RBFOX1: variants seen among roughly 807,000 people sequenced by gnomAD.
RBFOX1 encodes RNA binding protein fox-1 homolog 1.
Under a neutral mutation model 57.7 loss-of-function variants are expected in RBFOX1, and 8 were observed. The ratio of observed to expected loss-of-function variants is 0.14; its 90% confidence interval spans 0.08 to 0.25. The LOEUF is 0.25. RBFOX1 is among the 10% of genes least tolerant of loss of function. RBFOX1 has a pLI of 1.00. For missense variants in RBFOX1, 611 were observed against 548.5 expected, an observed-to-expected ratio of 1.11 and a Z score of -1.14; for synonymous variants, 326 against 222.4, an observed-to-expected ratio of 1.47 and a Z score of -4.15.
At chr16:5,721,770 C>T (rs1267594631) in intron 3 of RBFOX1, among the ~76,000 whole-genome samples, 3 of 152,246 alleles carry the variant, frequency 2.0e-5, no homozygotes, top group East Asian at 1.9e-4. Flanking sequence ...AATTATTATT[C>T]CCTGGATTCT....
intron 1 of RBFOX1, among the ~76,000 whole-genome samples, chr16:6,022,305 G>A (rs1171843374): frequency 6.6e-6 from 1 of 150,782 alleles, no homozygotes; most frequent in Non-Finnish European, 1.5e-5. Context: ...AGAATATTTT[G>A]AAAACACAAG....
At chr16:6,294,610 C>G (rs773098033) in intron 1 of RBFOX1, among the ~76,000 whole-genome samples, 2 of 152,182 alleles carry the variant, frequency 1.3e-5, no homozygotes, top group African/African-American at 2.4e-5. Context: ...CTACTTGATG[C>G]TGAGCCCTCT....
At chr16:7,205,012 A>G (rs900789285) in intron 4 of RBFOX1, among the ~76,000 whole-genome samples, 3 of 152,100 alleles carry the variant, frequency 2.0e-5, no homozygotes, top group Non-Finnish European at 4.4e-5. Context: ...TCTCTTTTCC[A>G]TGTGTAACAA....
rs560600639 is a variant in RBFOX1, at chr16:7,713,082, C to G, written c.*2337C>G. The G allele has an allele frequency of 2.0e-5, 3 of 152,234 alleles. No individual in the cohort carries two copies. The highest frequency in any genetic ancestry group is 6.5e-5 in the Admixed American group (1 of 15,302). The allele number at this position is 152,234 out of a possible 1,614,324, so 9.4% of individuals were successfully genotyped here. A position where few individuals can be genotyped will look rare whatever the true frequency, so the allele number is the denominator to read the frequency against. ...AATGTATGTCAGAGATGTAAACAAA[C>G]ATTTTGGATTTTTTTTAAACAGTAT... On this transcript the variant is annotated 3_prime_UTR_variant, in exon 16 of 16. Transcript: ENST00000550418.
At chr16:6,335,518 G>A (rs1279872805) in intron 2 of RBFOX1, among the ~76,000 whole-genome samples, 1 of 152,018 alleles carries the variant, frequency 6.6e-6, no homozygotes, top group Admixed American at 6.6e-5. Flanking sequence ...GGTGGTTCAC[G>A]CCTGTAATCC....
chr16:7,564,266 G>A (rs75728495), intron 5 of RBFOX1, among the ~76,000 whole-genome samples: 3,957 of 152,164 alleles, frequency 0.026, 189 homozygotes, highest in African/African-American at 0.091. Flanking sequence ...CAAGCCGGGC[G>A]TGGTGGCTCA....
intron 4 of RBFOX1, among the ~76,000 whole-genome samples, chr16:7,504,725 A>AAATATATATATATATTTATATT (rs2072260527): frequency 1.6e-4 from 1 of 6,146 alleles, no homozygotes; most frequent in African/African-American, 3.8e-4. Flanking sequence ...ATATATATAT[A>AAATATATATATATATTTATATT]TATATATATA....
intron 3 of RBFOX1, among the ~76,000 whole-genome samples, chr16:5,655,039 A>T (rs2049379817): frequency 6.6e-6 from 1 of 152,168 alleles, no homozygotes; most frequent in African/African-American, 2.4e-5. Context: ...CAGGAGTCCT[A>T]GTGAGGACGC....
intron 4 of RBFOX1, among the ~76,000 whole-genome samples, chr16:7,167,053 T>G (rs2079701905): frequency 7.4e-6 from 1 of 135,642 alleles, no homozygotes; most frequent in East Asian, 2.4e-4. Flanking sequence ...TGGTGTGATC[T>G]CAGCTCGCTG....
In RBFOX1 at chr16:5,809,758, T is replaced by C. The variant is rs574890851; in HGVS notation, c.319-57545T>C. 5.6e-4 allele frequency among the ~76,000 whole-genome samples: 85 copies of C among 152,278 alleles called. 1 individual carries two copies. Among genetic ancestry groups the C allele is most frequent in the African/African-American group, 2.0e-3 (83 of 41,570 alleles). Reference sequence around the variant, plus strand: ...TAAACTAGTTCAACCATTGTGGAAGTCAGTGTGGCGATTCCTCAGGGATCT... The same window carrying C: ...TAAACTAGTTCAACCATTGTGGAAGCCAGTGTGGCGATTCCTCAGGGATCT... On this transcript the variant is annotated intron_variant, in intron 3 of 19. Coordinates refer to the RBFOX1 transcript ENST00000641259.
At chr16:7,343,867 A>G (rs972107811) in intron 4 of RBFOX1, among the ~76,000 whole-genome samples, 1 of 152,146 alleles carries the variant, frequency 6.6e-6, no homozygotes, top group Admixed American at 6.6e-5. Context: ...GTGGTTGTTA[A>G]AGGAACCAAA....
At chr16:6,974,419 A>C (rs1046613619) in intron 3 of RBFOX1, among the ~76,000 whole-genome samples, 1 of 129,076 alleles carries the variant, frequency 7.7e-6, no homozygotes, top group Admixed American at 1.0e-4. Flanking sequence ...ATCTCAGTTC[A>C]CTGCAACTTT....
chr16:7,539,121 A>ATTT (rs2082248582), intron 5 of RBFOX1, among the ~76,000 whole-genome samples: 3 of 152,170 alleles, frequency 2.0e-5, no homozygotes, highest in African/African-American at 7.2e-5. Context: ...GAGAGGGGAA[A>ATTT]AGACTCCACC....
At chr16:5,823,520 C>T (rs886568375) in intron 3 of RBFOX1, among the ~76,000 whole-genome samples, 4 of 152,144 alleles carry the variant, frequency 2.6e-5, no homozygotes, top group Non-Finnish European at 5.9e-5. Flanking sequence ...CGGACTGCTA[C>T]CAGTCCATGG....
chr16:7,304,401 G>C (rs902142229), intron 4 of RBFOX1: 1 of 985,408 alleles, frequency 1.0e-6, no homozygotes, highest in African/African-American at 1.7e-5. Context: ...AGCATCCTCT[G>C]ACGGGGGCCA....
chr16:5,369,697 G>A (rs2065811517), intron 1 of RBFOX1, among the ~76,000 whole-genome samples: 1 of 152,210 alleles, frequency 6.6e-6, no homozygotes. Context: ...CCTGCTTTCA[G>A]AGGTGGGTCT....
At chr16:5,423,656 A>G (rs566365536) in intron 1 of RBFOX1, among the ~76,000 whole-genome samples, 1 of 152,186 alleles carries the variant, frequency 6.6e-6, no homozygotes, top group Non-Finnish European at 1.5e-5. Flanking sequence ...TCTTATTGAT[A>G]TAATATCTTC....
chr16:5,460,450 C>G (rs574997514), intron 1 of RBFOX1, among the ~76,000 whole-genome samples: 1 of 152,236 alleles, frequency 6.6e-6, no homozygotes, highest in East Asian at 1.9e-4. Context: ...GGAGAGGGCA[C>G]CATTGAAAAG....
chr16:6,387,398 A>C (rs946508057), intron 2 of RBFOX1, among the ~76,000 whole-genome samples: 1 of 149,794 alleles, frequency 6.7e-6, no homozygotes, highest in East Asian at 2.0e-4. Context: ...TTCTATTTAC[A>C]CTCCTCGGAT....
Sources: allele counts gnomAD v4.1 joint callset (sites outside exome capture counted in the v4.1 genomes callset), GRCh38; gene constraint gnomAD v4.1.1; transcripts MANE v1.5; gene names NCBI Gene and HGNC (gene_info 2026-07-23, HGNC 2026-07-21).